The following HOMER3 variants were observed in gnomAD, a reference collection of about 807,000 sequenced individuals.
The protein encoded by HOMER3 is homer protein homolog 3.
HOMER3 carries 34 observed loss-of-function variants against 45.5 expected under a neutral mutation model. That is an observed-to-expected ratio of 0.75 (90% CI 0.57 to 1.00). The LOEUF (loss-of-function observed/expected upper bound fraction) is 1.00. Among genes scored for constraint, HOMER3 ranks in the 50% least tolerant of loss-of-function variants. The pLI is 0.00. For missense variants in HOMER3, 480 were observed against 497.5 expected (o/e 0.96, Z 0.33); for synonymous variants, 223 against 208.8 (o/e 1.07, Z -0.58).
chr19:18,940,735 C>G (rs999832106), intron 1 of HOMER3: 1 of 152,182 alleles, frequency 6.6e-6, no homozygotes, highest in African/African-American at 2.4e-5. Flanking sequence ...TGCCACCCCT[C>G]CAGTCCCTGG....
intron 4 of HOMER3, 36 bp from the exon 5 acceptor site, chr19:18,934,446 A>C: frequency 7.4e-7 from 1 of 1,358,276 alleles, no homozygotes; most frequent in South Asian, 1.5e-5. Flanking sequence ...GTAAAACCCC[A>C]GCCCATCCTC....
In HOMER3 at chr19:18,932,086, C is replaced by G; in HGVS notation, c.580G>C (p.Asp194His). ...GCGCCTGCCAGCTTGTTGTTGCTGT[C>G]CTGCAGTGCGAAAAACTCGGCCTCC... The part of the protein sequence containing the change: ...QWEAEFFALQ[D>H]SNNKLAGALR... Residue 194 changes from aspartate (D) to histidine (H), a missense_variant, in exon 7 of 10, where the codon GAC (aspartate) becomes CAC (histidine). Physicochemically the swap from Asp to His is moderately conservative, Grantham distance 81. Coordinates refer to ENST00000392351, the MANE Select transcript of HOMER3 (RefSeq NM_004838.4). 1 of 1,570,262 alleles carries G rather than the reference C, an allele frequency of 6.4e-7. No individual in the cohort carries two copies. The highest frequency in any genetic ancestry group is 2.2e-4 in the Middle Eastern group (1 of 4,500).
rs746734578 is a variant in HOMER3 at position 18,931,534 on chromosome 19, T to C, written c.782A>G (p.Glu261Gly). 6 of 1,613,562 alleles carry C rather than the reference T, an allele frequency of 3.7e-6. No individual in the cohort carries two copies. The highest frequency in any genetic ancestry group is 1.6e-4 in the Middle Eastern group (1 of 6,082). ...LGQGQSLEQL[E>G]ALVQTKDQEI... ...CTGGTCCTTGGTTTGCACCAGAGCT[T>C]CCAGCTGTTCCAGCGACTGGCCCTG... is the stretch of plus-strand genomic sequence containing the variant. The change falls in exon 8 of 10, where the codon GAA (glutamate) becomes GGA (glycine). Residue 261 changes from glutamate (E) to glycine (G), a missense_variant. Physicochemically the swap from Glu to Gly is moderately conservative, Grantham distance 98. Transcript: ENST00000392351.
intron 1 of HOMER3, chr19:18,939,288 A>C: frequency 2.8e-6 from 1 of 355,502 alleles, no homozygotes; most frequent in Non-Finnish European, 5.1e-6. Context: ...AAAAATTTAA[A>C]CAATTAGCTG....
At position 18,931,532 on chromosome 19, in the gene HOMER3, C is replaced by G; in HGVS notation, c.784G>C (p.Ala262Pro). ...GQGQSLEQLEALVQTKDQEIQ... is the reference protein window; with the variant it reads ...GQGQSLEQLEPLVQTKDQEIQ... ...ACCTGGTCCTTGGTTTGCACCAGAG[C>G]TTCCAGCTGTTCCAGCGACTGGCCC... is the stretch of plus-strand genomic sequence containing the variant. The change falls in exon 8 of 10, where the codon GCT becomes CCT. Residue 262 changes from alanine to proline, a missense_variant. By Grantham distance (27) the Ala-to-Pro change is conservative. Coordinates refer to ENST00000392351, the MANE Select transcript of HOMER3 (RefSeq NM_004838.4). 1 of 1,613,738 alleles carries G rather than the reference C, an allele frequency of 6.2e-7. No homozygotes were observed. The highest frequency in any genetic ancestry group is 2.2e-5 in the East Asian group (1 of 44,882).
At chr19:18,931,246 C>T in intron 9 of HOMER3, 79 bp downstream of exon 9, 1 of 1,271,196 alleles carries the variant, frequency 7.9e-7, no homozygotes, top group Non-Finnish European at 1.1e-6. Context: ...ACTTTATCAT[C>T]TTAGGTAGAT....
At chr19:18,930,883 C>T (rs1187585187) in intron 9 of HOMER3, among the ~76,000 whole-genome samples, 2 of 152,038 alleles carry the variant, frequency 1.3e-5, no homozygotes. Flanking sequence ...TGGCGGGCGC[C>T]TGTAATCCCA....
Position 18,932,959 on chromosome 19 carries a change from T to C in HOMER3, c.498A>G (p.Thr166=). The change falls in exon 6 of 10, where the codon ACA becomes ACG. Residue 166 remains threonine (T), a synonymous_variant. Transcript: ENST00000392351. ...ACATCTTCTTTAGCCGCTCGCGCTC[T>C]GTGGGGCCGGGGGCATCAGCGCTCT... The part of the protein sequence containing the change: ...RSQSADAPGP[T]ERERLKKMLS... 10 of 1,422,644 alleles carry C rather than the reference T, an allele frequency of 7.0e-6. No homozygotes were observed. The highest frequency in any genetic ancestry group is 9.2e-6 in the Non-Finnish European group (10 of 1,082,300). 88.1% of individuals were successfully genotyped at this position (1,422,644 alleles called of 1,614,324 possible). A position where few individuals can be genotyped will look rare whatever the true frequency, so the allele number is the denominator to read the frequency against.
In HOMER3 at chr19:18,933,056, G is replaced by A. The variant is rs761819683; in HGVS notation, c.412-11C>T. On this transcript the variant is annotated splice_polypyrimidine_tract_variant and intron_variant, in intron 5 of 9. Coordinates refer to ENST00000392351, the MANE Select transcript of HOMER3 (RefSeq NM_004838.4). ...AGGGCTCGGGGGCACCTAGGCACGGGGAAAAGAATAGGTCACGACCCCACA... is the reference window on the plus strand; with the variant it reads ...AGGGCTCGGGGGCACCTAGGCACGGAGAAAAGAATAGGTCACGACCCCACA... 6.7e-7 allele frequency: 1 copy of A among 1,487,894 alleles called. No homozygotes were observed. The highest frequency in any genetic ancestry group is 2.8e-5 in the Admixed American group (1 of 36,080). 92.2% of individuals were successfully genotyped at this position (1,487,894 alleles called of 1,614,324 possible). A position where few individuals can be genotyped will look rare whatever the true frequency, so the allele number is the denominator to read the frequency against.
In HOMER3 at chr19:18,938,403, C is replaced by T. The variant is rs774459089; in HGVS notation, c.253G>A (p.Ala85Thr). The T allele has an allele frequency of 5.6e-6, 9 of 1,613,910 alleles. No homozygotes were observed. Among genetic ancestry groups the T allele is most frequent in the African/African-American group, 4.0e-5 (3 of 74,904 alleles). Residue 85 changes from alanine (A) to threonine (T), a missense_variant, in exon 4 of 10, where the codon GCC (alanine) becomes ACC (threonine). Physicochemically the swap from Ala to Thr is moderately conservative, Grantham distance 58. Coordinates refer to ENST00000392351, the MANE Select transcript of HOMER3 (RefSeq NM_004838.4). The stretch of plus-strand genomic sequence containing the variant: ...AAGCCCAGGCCGTAGACTGTGTTGG[C>T]GCGACTGTCGGCCCACTGCCCGAAC... ...QKFGQWADSRANTVYGLGFAS... is the reference protein window; with the variant it reads ...QKFGQWADSRTNTVYGLGFAS...
intron 6 of HOMER3, 135 bp from the exon 7 acceptor site, chr19:18,932,267 A>G (rs1422691440): frequency 3.9e-6 from 2 of 514,422 alleles, no homozygotes; most frequent in Non-Finnish European, 5.2e-6. Context: ...GAGGGTGCGG[A>G]GTCGTGCGCG....
intron 9 of HOMER3, 91 bp from the exon 10 acceptor site, chr19:18,929,725 T>C (rs1318981684): frequency 8.8e-7 from 1 of 1,140,606 alleles, no homozygotes; most frequent in Non-Finnish European, 1.2e-6. Context: ...CATGTCCCTC[T>C]TCTGCCCAGA....
Position 18,934,392 on chromosome 19 carries a change from C to T in HOMER3, c.322G>A (p.Glu108Lys), listed in dbSNP as rs374957341. 6 of 1,591,150 alleles carry T rather than the reference C, an allele frequency of 3.8e-6. No individual in the cohort carries two copies. Among genetic ancestry groups the T allele is most frequent in the Non-Finnish European group, 4.3e-6 (5 of 1,169,296 alleles). The stretch of plus-strand genomic sequence containing the variant: ...GCCAGCCTGGCTGCTTCCTTCACTT[C>T]CTGGAACTTCTCGGCAAACTAAGGG... ...HLTQFAEKFQ[E>K]VKEAARLARE... is the part of the protein sequence containing the mutation. The change falls in exon 5 of 10, where the codon GAA becomes AAA. Residue 108 changes from glutamate to lysine, a missense_variant. By Grantham distance (56) the Glu-to-Lys change is moderately conservative. Transcript: ENST00000392351.
intron 4 of HOMER3, among the ~76,000 whole-genome samples, chr19:18,935,319 G>A (rs1242118194): frequency 6.6e-6 from 1 of 151,676 alleles, no homozygotes; most frequent in East Asian, 1.9e-4. Flanking sequence ...TTTGTATTTA[G>A]TACAGATGGG....
Position 18,938,435 on chromosome 19 carries a change from G to T in HOMER3, c.221C>A (p.Ser74Tyr). Residue 74 changes from serine (S) to tyrosine (Y), a missense_variant, in exon 4 of 10, where the codon TCC (serine) becomes TAC (tyrosine). Transcript: ENST00000392351. ...GTCGGCCCACTGCCCGAACTTCTGG[G>T]AAGTTTTGGTGAAGGTCATGTTGGG... The part of the protein sequence containing the change: ...VTPNMTFTKT[S>Y]QKFGQWADSR... The T allele has an allele frequency of 6.2e-7, 1 of 1,614,182 alleles. No homozygotes were observed. The highest frequency in any genetic ancestry group is 8.5e-7 in the Non-Finnish European group (1 of 1,180,006).
chr19:18,936,359 G>C lies in HOMER3; in HGVS notation c.304-1949C>G, dbSNP rs893671955. 6.7e-5 allele frequency among the ~76,000 whole-genome samples: 10 copies of C among 149,302 alleles called. 1 individual carries two copies. The highest frequency in any genetic ancestry group is 2.5e-4 in the African/African-American group (10 of 40,616). ...AAATAAATAAATGATTTTTTAGGCT[G>C]GGTGCAGTGGCTCACACCTGTAATC... On this transcript the variant is annotated intron_variant, in intron 4 of 9. Coordinates refer to ENST00000392351, the MANE Select transcript of HOMER3 (RefSeq NM_004838.4).
intron 6 of HOMER3, among the ~76,000 whole-genome samples, 175 bp from the exon 7 acceptor site, chr19:18,932,307 G>C (rs1033342758): frequency 1.4e-5 from 2 of 148,124 alleles, no homozygotes; most frequent in African/African-American, 5.0e-5. Context: ...GGCAGGGGTG[G>C]AGTGGCACTG....
chr19:18,932,169 G>A, intron 6 of HOMER3, 37 bp from the exon 7 acceptor site: 1 of 1,505,746 alleles, frequency 6.6e-7, no homozygotes, highest in South Asian at 1.3e-5. Flanking sequence ...GGTGACACGG[G>A]GCTGGGGGGC....
chr19:18,931,733 C>T, intron 7 of HOMER3, 108 bp from the exon 8 acceptor site: 1 of 1,502,102 alleles, frequency 6.7e-7, no homozygotes, highest in Non-Finnish European at 8.8e-7. Context: ...GACCGAGCAC[C>T]CATCTCCCTT....
Sources: allele counts gnomAD v4.1 joint callset (sites outside exome capture counted in the v4.1 genomes callset), GRCh38; gene constraint gnomAD v4.1.1; transcripts MANE v1.5; gene names NCBI Gene and HGNC (gene_info 2026-07-23, HGNC 2026-07-21).